Variants in MAN2A1 observed in about 807,000 individuals in gnomAD.
MAN2A1 encodes the protein alpha-mannosidase 2.
Under a neutral mutation model 142.6 loss-of-function variants are expected in MAN2A1, and 76 were observed. The observed-to-expected ratio is 0.53, with a 90% CI of 0.44 to 0.65. The LOEUF is 0.65. Among genes scored for constraint, MAN2A1 ranks in the 30% least tolerant of loss-of-function variants. The pLI, the probability that MAN2A1 is intolerant of heterozygous loss-of-function variation, is 0.00. For missense variants in MAN2A1, 1,311 were observed against 1,365.1 expected (o/e 0.96, Z 0.62); for synonymous variants, 559 against 473.2 (o/e 1.18, Z -2.35).
intron 4 of MAN2A1, among the ~76,000 whole-genome samples, chr5:109,732,549 A>G (rs1419294621): frequency 6.6e-6 from 1 of 152,076 alleles, no homozygotes; most frequent in Non-Finnish European, 1.5e-5. Flanking sequence ...ATAAGGTTTA[A>G]GGAAGGGATC....
At chr5:109,697,720 A>T (rs1750854392) in intron 1 of MAN2A1, among the ~76,000 whole-genome samples, 1 of 152,206 alleles carries the variant, frequency 6.6e-6, no homozygotes, top group Admixed American at 6.5e-5. Flanking sequence ...CCCTTTTCAG[A>T]GTTTGCCAAT....
intron 3 of MAN2A1, among the ~76,000 whole-genome samples, chr5:109,717,777 C>G (rs912095007): frequency 6.6e-6 from 1 of 152,094 alleles, no homozygotes; most frequent in Non-Finnish European, 1.5e-5. Context: ...AAATGGAGAT[C>G]ATACAGGTGG....
chr5:109,766,592 T>C (rs1752997496), intron 5 of MAN2A1, among the ~76,000 whole-genome samples: 1 of 152,180 alleles, frequency 6.6e-6, no homozygotes. Context: ...CTTATTTGAA[T>C]GACAGCCTCT....
At chr5:109,781,335 T>C (rs1408894046) in intron 8 of MAN2A1, 61 bp from the exon 9 acceptor site, 2 of 915,978 alleles carry the variant, frequency 2.2e-6, no homozygotes, top group Non-Finnish European at 3.3e-6. Flanking sequence ...TCCCTAACAG[T>C]GTAAGAAGTA....
chr5:109,847,305 G>T (rs1198874268), intron 18 of MAN2A1, among the ~76,000 whole-genome samples: 1 of 151,998 alleles, frequency 6.6e-6, no homozygotes, highest in Non-Finnish European at 1.5e-5. Context: ...GATTCCAAAT[G>T]GTGCTACTAA....
rs1451523295 is a variant in MAN2A1 at position 109,847,777 on chromosome 5, G to A, written c.2963G>A (p.Ser988Asn). The change falls in exon 19 of 22, where the codon AGT becomes AAT. Residue 988 changes from serine (S) to asparagine (N), a missense_variant. Around this residue, in one of 3 missense-constraint regions of MAN2A1, gnomAD observed 890 missense variants for 920.5 expected, o/e 0.97. Transcript: ENST00000261483. ...TTTCGAATACTACTAGAAAAAAGAA[G>A]TGCTGTTAATACGGTATGAAAAAAT... ...NLFRILLEKR[S>N]AVNTEEEKKS... 6.3e-7 allele frequency: 1 copy of A among 1,584,756 alleles called. No individual in the cohort carries two copies. Among genetic ancestry groups the A allele is most frequent in the South Asian group, 1.2e-5 (1 of 85,548 alleles).
chr5:109,733,790 C>T (rs1364148006), intron 4 of MAN2A1, among the ~76,000 whole-genome samples: 2 of 152,122 alleles, frequency 1.3e-5, no homozygotes, highest in Non-Finnish European at 2.9e-5. Context: ...ATTTTTGCAT[C>T]ATTGTTCATC....
intron 16 of MAN2A1, among the ~76,000 whole-genome samples, chr5:109,835,449 G>T (rs1755031142): frequency 6.6e-6 from 1 of 152,122 alleles, no homozygotes. Flanking sequence ...ATCTTAGATG[G>T]GTGTTTTGGA....
intron 12 of MAN2A1, among the ~76,000 whole-genome samples, chr5:109,799,964 T>G (rs1275015720): frequency 6.6e-6 from 1 of 151,888 alleles, no homozygotes; most frequent in East Asian, 1.9e-4. Context: ...AGCATGCACC[T>G]GTAATCCCTG....
chr5:109,748,968 G>A (rs1178762194), intron 4 of MAN2A1, among the ~76,000 whole-genome samples: 2 of 151,304 alleles, frequency 1.3e-5, no homozygotes, highest in Admixed American at 1.3e-4. Context: ...TTAGCAGAAT[G>A]TCTTTAGGAT....
At chr5:109,737,545 C>G (rs188567386) in intron 4 of MAN2A1, among the ~76,000 whole-genome samples, 339 of 151,838 alleles carry the variant, frequency 2.2e-3, no homozygotes, top group Non-Finnish European at 3.4e-3. Context: ...TTGGTATCTG[C>G]TAATTCCGTA....
intron 16 of MAN2A1, among the ~76,000 whole-genome samples, chr5:109,826,134 G>A (rs995597213): frequency 6.6e-6 from 1 of 151,758 alleles, no homozygotes; most frequent in Non-Finnish European, 1.5e-5. Flanking sequence ...TCGAACTCTT[G>A]ACCTCAGGTA....
chr5:109,798,487 C>T (rs748792160), intron 12 of MAN2A1, among the ~76,000 whole-genome samples: 8 of 152,198 alleles, frequency 5.3e-5, no homozygotes, highest in African/African-American at 1.7e-4. Flanking sequence ...TGAACCTGTT[C>T]TGTGGTCCCA....
At chr5:109,816,552 A>C (rs749078761) in intron 12 of MAN2A1, among the ~76,000 whole-genome samples, 20 of 152,190 alleles carry the variant, frequency 1.3e-4, no homozygotes, top group Non-Finnish European at 2.8e-4. Flanking sequence ...CCCATTGTAT[A>C]TAAAATATAT....
chr5:109,865,249 T>C, intron 21 of MAN2A1, 103 bp downstream of exon 21: 1 of 830,538 alleles, frequency 1.2e-6, no homozygotes, highest in Non-Finnish European at 2.0e-6. Flanking sequence ...TTCTTTACTG[T>C]CTCAGTTTCA....
chr5:109,850,861 A>G (rs746334531), intron 19 of MAN2A1, among the ~76,000 whole-genome samples: 32 of 152,182 alleles, frequency 2.1e-4, no homozygotes, highest in Non-Finnish European at 3.7e-4. Flanking sequence ...TGGGTCTTCA[A>G]TTAATGGTTT....
intron 4 of MAN2A1, among the ~76,000 whole-genome samples, chr5:109,733,848 CTTTGGTATCAGGA>C (rs1294235095): frequency 2.0e-5 from 3 of 152,088 alleles, no homozygotes; most frequent in Non-Finnish European, 4.4e-5. Context: ...CTCTGTCAGG[CTTTGGTATCAGGA>C]TGATGCTGGC....
chr5:109,770,628 T>G, intron 7 of MAN2A1, 87 bp downstream of exon 7: 4 of 1,175,688 alleles, frequency 3.4e-6, no homozygotes, highest in Non-Finnish European at 4.9e-6. Flanking sequence ...CAAATGGGCT[T>G]TATTAGCCAA....
intron 12 of MAN2A1, among the ~76,000 whole-genome samples, chr5:109,791,244 G>A (rs2112681391): frequency 6.6e-6 from 1 of 151,840 alleles, no homozygotes; most frequent in Middle Eastern, 3.4e-3. Context: ...ACTTCTGATT[G>A]GCAGATTCTT....
Sources: allele counts gnomAD v4.1 joint callset (sites outside exome capture counted in the v4.1 genomes callset), GRCh38; gene constraint gnomAD v4.1.1; regional missense constraint gnomAD v4.1.1; transcripts MANE v1.5; gene names NCBI Gene and HGNC (gene_info 2026-07-23, HGNC 2026-07-21).